Variants in DCDC1 observed in about 807,000 individuals in gnomAD.
DCDC1 encodes the protein doublecortin domain containing 1.
DCDC1 carries 200 observed loss-of-function variants against 178.3 expected under a neutral mutation model. The ratio of observed to expected loss-of-function variants is 1.12; its 90% CI spans 1.00 to 1.26. DCDC1 has a LOEUF of 1.26. DCDC1 is among the 50% of genes most tolerant of loss of function. The pLI is 0.00. For synonymous variants in DCDC1, 690 were observed against 604.8 expected, an observed-to-expected ratio of 1.14 and a Z score of -2.07; for missense variants, 1,983 against 1,749.2, an observed-to-expected ratio of 1.13 and a Z score of -2.38.
intron 11 of DCDC1, among the ~76,000 whole-genome samples, chr11:31,121,111 T>G (rs1308019565): frequency 6.6e-6 from 1 of 152,128 alleles, no homozygotes; most frequent in Non-Finnish European, 1.5e-5. Context: ...TAGATGATGG[T>G]GCACATTGAG....
intron 38 of DCDC1, among the ~76,000 whole-genome samples, chr11:30,872,642 C>T (rs1034403747): frequency 2.6e-5 from 4 of 152,046 alleles, no homozygotes; most frequent in South Asian, 2.1e-4. Context: ...CCTGGTACTC[C>T]GTTCCCTACG....
chr11:31,230,580 C>T (rs1463078821), intron 9 of DCDC1, among the ~76,000 whole-genome samples: 1 of 152,112 alleles, frequency 6.6e-6, no homozygotes, highest in Non-Finnish European at 1.5e-5. Flanking sequence ...ACAGACAAGA[C>T]CAATCATCTC....
Position 31,065,031 on chromosome 11 carries a change from G to A in DCDC1, c.2421C>T (p.Asn807=). ...WTTAHQEHGR[N]LAEEVLQESA... ...TCCCTACACTGACCTCTTCTGCTAA[G>A]TTTCTGCCATGTTCCTGATGAGCTG... The change falls in exon 19 of 39, where the codon AAC becomes AAT. Residue 807 remains asparagine (N), a synonymous_variant. Transcript: ENST00000684477. The A allele has an allele frequency of 1.3e-6, 1 of 762,154 alleles. No homozygotes were observed. Among genetic ancestry groups the A allele is most frequent in the East Asian group, 2.4e-5 (1 of 41,164 alleles). 47.2% of individuals were successfully genotyped at this position (762,154 alleles called of 1,614,324 possible). A position where few individuals can be genotyped will look rare whatever the true frequency, so the allele number is the denominator to read the frequency against.
At chr11:31,211,147 G>A (rs1972484590) in intron 9 of DCDC1, among the ~76,000 whole-genome samples, 1 of 152,148 alleles carries the variant, frequency 6.6e-6, no homozygotes, top group Admixed American at 6.5e-5. Flanking sequence ...GCATATTCAA[G>A]ACTCCATCTT....
At chr11:31,178,234 T>A (rs753547045) in intron 9 of DCDC1, among the ~76,000 whole-genome samples, 4 of 152,142 alleles carry the variant, frequency 2.6e-5, no homozygotes, top group Admixed American at 6.5e-5. Flanking sequence ...ATAAATAAAT[T>A]CATGCACCCA....
chr11:31,368,995 T>G (rs925248125), intron 1 of DCDC1, among the ~76,000 whole-genome samples: 2 of 152,016 alleles, frequency 1.3e-5, no homozygotes, highest in South Asian at 4.1e-4. Context: ...ACCCCAACAG[T>G]GCCCATATGC....
intron 1 of DCDC1, among the ~76,000 whole-genome samples, chr11:31,363,642 C>T (rs1292568074): frequency 6.6e-6 from 1 of 152,130 alleles, no homozygotes; most frequent in East Asian, 1.9e-4. Flanking sequence ...CCATAACACC[C>T]TGGAAACATC....
chr11:31,213,058 T>C (rs1972815868), intron 9 of DCDC1, among the ~76,000 whole-genome samples: 1 of 150,484 alleles, frequency 6.6e-6, no homozygotes, highest in Admixed American at 6.6e-5. Flanking sequence ...GACATAGACA[T>C]GTGCATTGGT....
chr11:31,062,013 CA>C (rs1219252902), intron 20 of DCDC1, among the ~76,000 whole-genome samples: 2 of 152,086 alleles, frequency 1.3e-5, no homozygotes, highest in Non-Finnish European at 2.9e-5. Context: ...CTAAGCTACC[CA>C]GTGCCCTATA....
intron 36 of DCDC1, among the ~76,000 whole-genome samples, chr11:30,886,635 C>A (rs1943194438): frequency 6.6e-6 from 1 of 152,130 alleles, no homozygotes; most frequent in Admixed American, 6.6e-5. Flanking sequence ...AATGTTCCAC[C>A]CTTAAGACCT....
At chr11:31,230,800 G>A (rs1005744385) in intron 9 of DCDC1, among the ~76,000 whole-genome samples, 1 of 151,430 alleles carries the variant, frequency 6.6e-6, no homozygotes, top group African/African-American at 2.5e-5. Flanking sequence ...TTTCTGGCAT[G>A]TTATAAATAT....
intron 1 of DCDC1, among the ~76,000 whole-genome samples, chr11:31,347,324 G>A (rs977081763): frequency 1.3e-5 from 2 of 152,084 alleles, no homozygotes; most frequent in South Asian, 2.1e-4. Context: ...CACTCCTTTC[G>A]TAGCTTGGTC....
chr11:31,219,767 C>T (rs1974030219), intron 9 of DCDC1, among the ~76,000 whole-genome samples: 1 of 152,032 alleles, frequency 6.6e-6, no homozygotes, highest in African/African-American at 2.4e-5. Flanking sequence ...TTTCTATAAG[C>T]CAGGCACCAT....
intron 20 of DCDC1, among the ~76,000 whole-genome samples, chr11:31,004,900 AT>A (rs992224176): frequency 2.0e-5 from 3 of 152,114 alleles, no homozygotes; most frequent in Admixed American, 2.0e-4. Flanking sequence ...TTAGAAGAAC[AT>A]TTAGTAAGAA....
intron 38 of DCDC1, among the ~76,000 whole-genome samples, chr11:30,876,192 A>G (rs1388347243): frequency 6.6e-6 from 1 of 152,208 alleles, no homozygotes; most frequent in Non-Finnish European, 1.5e-5. Flanking sequence ...AATTGTTTTC[A>G]GTTGATAGAA....
chr11:31,279,908 A>T (rs956339913), intron 7 of DCDC1, among the ~76,000 whole-genome samples: 6 of 152,100 alleles, frequency 3.9e-5, no homozygotes, highest in African/African-American at 1.4e-4. Flanking sequence ...TAATAATAAT[A>T]AAAGATTATC....
At chr11:31,012,917 ACT>A (rs1257046518) in intron 20 of DCDC1, among the ~76,000 whole-genome samples, 1 of 152,184 alleles carries the variant, frequency 6.6e-6, no homozygotes, top group African/African-American at 2.4e-5. Flanking sequence ...ATATAGGTAA[ACT>A]CTGAAGAACG....
intron 18 of DCDC1, among the ~76,000 whole-genome samples, chr11:31,074,582 A>G (rs996851381): frequency 5.3e-5 from 8 of 152,152 alleles, no homozygotes; most frequent in African/African-American, 9.7e-5. Flanking sequence ...ACCAGACACC[A>G]AACTTATTGG....
chr11:31,208,803 A>G (rs1180357992), intron 9 of DCDC1, among the ~76,000 whole-genome samples: 1 of 152,128 alleles, frequency 6.6e-6, no homozygotes, highest in East Asian at 1.9e-4. Flanking sequence ...ATAGGTTCAC[A>G]TGTCTGGATC....
Sources: gnomAD v4.1 joint callset for allele counts (sites outside exome capture counted in the v4.1 genomes callset) on GRCh38, gnomAD v4.1.1 for gene constraint, MANE v1.5 for transcripts, NCBI Gene and HGNC (gene_info 2026-07-23, HGNC 2026-07-21) for gene names.